Variants in ABTB3 observed in about 807,000 individuals in gnomAD.
The protein encoded by ABTB3 is ankyrin repeat and BTB domain containing 3.
the ABTB3 span, among the ~76,000 whole-genome samples, chr12:107,443,109 A>G: frequency 1.3e-5 from 2 of 152,074 alleles, no homozygotes; most frequent in Non-Finnish European, 1.5e-5. Flanking sequence ...TCCTAACACC[A>G]TCATTTTGGA....
At chr12:107,563,718 ATAGG>A in the ABTB3 span, among the ~76,000 whole-genome samples, 1 of 152,152 alleles carries the variant, frequency 6.6e-6, no homozygotes, top group Non-Finnish European at 1.5e-5. Context: ...ATCTTGAAAA[ATAGG>A]TAGGATTGTA....
At chr12:107,580,996 T>C in the ABTB3 span, 5 of 1,551,228 alleles carry the variant, frequency 3.2e-6, no homozygotes, top group South Asian at 3.6e-5. Flanking sequence ...CCCACTACTC[T>C]GGAATTCAGA....
the ABTB3 span, among the ~76,000 whole-genome samples, chr12:107,433,296 CAAAAAAA>C: frequency 1.3e-4 from 3 of 23,110 alleles, no homozygotes; most frequent in East Asian, 1.7e-3. Context: ...GACTCCGTCT[CAAAAAAA>C]AAAAAAAAAA....
At chr12:107,599,576 T>C in the ABTB3 span, among the ~76,000 whole-genome samples, 1 of 152,220 alleles carries the variant, frequency 6.6e-6, no homozygotes, top group Non-Finnish European at 1.5e-5. Flanking sequence ...TATTTTGAGT[T>C]AGTGTTGTGC....
the ABTB3 span, among the ~76,000 whole-genome samples, chr12:107,383,371 C>T: frequency 6.6e-6 from 1 of 152,074 alleles, no homozygotes; most frequent in Non-Finnish European, 1.5e-5. Flanking sequence ...AGAGGTGAAG[C>T]CAGAAGGTCC....
At chr12:107,471,285 G>A in the ABTB3 span, among the ~76,000 whole-genome samples, 1 of 152,150 alleles carries the variant, frequency 6.6e-6, no homozygotes, top group African/African-American at 2.4e-5. Context: ...CCATCACAAG[G>A]CCACACAACC....
chr12:107,464,497 G>T, the ABTB3 span, among the ~76,000 whole-genome samples: 4 of 152,204 alleles, frequency 2.6e-5, no homozygotes, highest in African/African-American at 9.6e-5. Context: ...GTTTTGTAAG[G>T]CTGGGGTCTC....
At chr12:107,379,974 A>C in the ABTB3 span, among the ~76,000 whole-genome samples, 1 of 152,196 alleles carries the variant, frequency 6.6e-6, no homozygotes. Flanking sequence ...GTTCAGAAGG[A>C]AAGCAGACCT....
chr12:107,507,248 G>A, the ABTB3 span, among the ~76,000 whole-genome samples: 1 of 152,124 alleles, frequency 6.6e-6, no homozygotes, highest in Non-Finnish European at 1.5e-5. Flanking sequence ...GGCACAGGCA[G>A]AGATAAGGAA....
At chr12:107,591,999 A>G in the ABTB3 span, among the ~76,000 whole-genome samples, 2 of 152,216 alleles carry the variant, frequency 1.3e-5, no homozygotes, top group Non-Finnish European at 2.9e-5. Flanking sequence ...ATAAATGGGA[A>G]GTGTGAAAGT....
the ABTB3 span, among the ~76,000 whole-genome samples, chr12:107,602,597 G>A: frequency 6.6e-6 from 1 of 152,202 alleles, no homozygotes; most frequent in South Asian, 2.1e-4. Context: ...GAACAATAAA[G>A]TGGTTACGTA....
At chr12:107,502,998 CA>C in the ABTB3 span, among the ~76,000 whole-genome samples, 57 of 152,206 alleles carry the variant, frequency 3.7e-4, no homozygotes, top group African/African-American at 1.3e-3. Context: ...AGACAATTAC[CA>C]TTGAAAAGAG....
chr12:107,466,803 T>A, the ABTB3 span, among the ~76,000 whole-genome samples: 35,526 of 151,754 alleles, frequency 0.23, 4,388 homozygotes, highest in African/African-American at 0.33. Context: ...GAGTTCACAA[T>A]CATTCATTAT....
At chr12:107,355,751 T>C in the ABTB3 span, among the ~76,000 whole-genome samples, 1 of 152,236 alleles carries the variant, frequency 6.6e-6, no homozygotes, top group Non-Finnish European at 1.5e-5. Context: ...TGTTTAGTTA[T>C]ACTGCTGGTA....
At chr12:107,479,234 G>A in the ABTB3 span, among the ~76,000 whole-genome samples, 1 of 152,068 alleles carries the variant, frequency 6.6e-6, no homozygotes, top group South Asian at 2.1e-4. Context: ...ATCCCTCTGT[G>A]GCTTTTGCCA....
At chr12:107,422,492 C>A in the ABTB3 span, among the ~76,000 whole-genome samples, 2 of 152,110 alleles carry the variant, frequency 1.3e-5, no homozygotes, top group Non-Finnish European at 2.9e-5. Flanking sequence ...TGCCAGTCTG[C>A]TAAGTGGAGA....
At chr12:107,421,539 T>C in the ABTB3 span, among the ~76,000 whole-genome samples, 1 of 152,208 alleles carries the variant, frequency 6.6e-6, no homozygotes. Context: ...AGAGAAAATA[T>C]AAAAAGTGCT....
At chr12:107,438,279 C>G in the ABTB3 span, among the ~76,000 whole-genome samples, 2 of 152,138 alleles carry the variant, frequency 1.3e-5, no homozygotes, top group Non-Finnish European at 2.9e-5. Flanking sequence ...CATGCATTGA[C>G]AGATAGTGGG....
At chr12:107,432,181 T>G in the ABTB3 span, among the ~76,000 whole-genome samples, 1 of 152,074 alleles carries the variant, frequency 6.6e-6, no homozygotes, top group Non-Finnish European at 1.5e-5. Context: ...GTGTATGACC[T>G]CCCTCCACCC....
Sources: allele counts gnomAD v4.1 joint callset (sites outside exome capture counted in the v4.1 genomes callset), GRCh38; gene constraint gnomAD v4.1.1; transcripts MANE v1.5; gene names NCBI Gene and HGNC (gene_info 2026-07-23, HGNC 2026-07-21).